The following SALL3 variants were observed in gnomAD, a reference collection of about 807,000 sequenced individuals.
The protein encoded by SALL3 is spalt like transcription factor 3.
A neutral mutation model predicts 66.2 loss-of-function variants in SALL3; 25 were observed. That is an observed-to-expected ratio of 0.38 (90% CI 0.28 to 0.53). The LOEUF is 0.53. Ranked by LOEUF, SALL3 falls within the 20% of genes least tolerant of loss-of-function variation. SALL3 has a pLI of 0.85. For synonymous variants in SALL3, 1,152 were observed against 899.1 expected (o/e 1.28, Z -5.03); for missense variants, 2,194 against 1,916.5 (o/e 1.14, Z -2.70).
chr18:78,996,850 T>A (rs768509058), intron 2 of SALL3, 41 bp from the exon 3 acceptor site: 2 of 1,555,010 alleles, frequency 1.3e-6, no homozygotes, highest in South Asian at 2.4e-5. Context: ...TGCCTCCGTG[T>A]CTAGGCACTT....
chr18:78,997,292 C>G lies in SALL3; in HGVS notation c.3873C>G (p.Ile1291Met), dbSNP rs774963628. The part of the protein sequence containing the change: ...TAASRPFTRF[I>M]EDNKEIGIN ...CCAGCCGCCCATTCACGCGGTTTAT[C>G]GAGGATAACAAGGAGATTGGTATCA... is the stretch of plus-strand genomic sequence containing the variant. The change falls in exon 3 of 3, where the codon ATC (isoleucine) becomes ATG (methionine). Residue 1291 changes from isoleucine to methionine, a missense_variant. Coordinates refer to ENST00000537592, the MANE Select transcript of SALL3 (RefSeq NM_171999.4). 18 of 1,613,896 alleles carry G rather than the reference C, an allele frequency of 1.1e-5. No homozygotes were observed. In the Admixed American group the frequency reaches 2.2e-4, roughly 19 times the overall value.
In SALL3 at chr18:78,980,373, C is replaced by A; in HGVS notation, c.82+17C>A. 1 of 1,388,868 alleles carries A rather than the reference C, an allele frequency of 7.2e-7. No homozygotes were observed. The highest frequency in any genetic ancestry group is 3.2e-5 in the East Asian group (1 of 31,108). The allele number at this position is 1,388,868 out of a possible 1,614,324, so 86.0% of individuals were successfully genotyped here. On this transcript the variant is annotated intron_variant, in intron 1 of 2. Coordinates refer to ENST00000537592, the MANE Select transcript of SALL3 (RefSeq NM_171999.4). ...CCGAGCACGGTGAGGGCCGGGGCTG[C>A]GGGGTGGCCGGGGGGTCTGGGGCTG... is the stretch of plus-strand genomic sequence containing the variant.
chr18:78,980,248 G>T lies in SALL3; in HGVS notation c.-27G>T, dbSNP rs1201580316. On this transcript the variant is annotated 5_prime_UTR_variant, in exon 1 of 3. Coordinates refer to ENST00000537592, the MANE Select transcript of SALL3 (RefSeq NM_171999.4). ...GCCGCCCCGCTGATGCCGCTGCCCCGCGCGGGGCCCGAGCGCCGCTAGCAG... is the reference window on the plus strand; with the variant it reads ...GCCGCCCCGCTGATGCCGCTGCCCCTCGCGGGGCCCGAGCGCCGCTAGCAG... 1.7e-6 allele frequency: 2 copies of T among 1,181,322 alleles called. No homozygotes were observed. Among genetic ancestry groups the T allele is most frequent in the Non-Finnish European group, 2.1e-6 (2 of 938,676 alleles). 73.2% of individuals were successfully genotyped at this position (1,181,322 alleles called of 1,614,324 possible).
chr18:78,992,325 G>A lies in SALL3; in HGVS notation c.334G>A (p.Ala112Thr), dbSNP rs1914468392. The part of the protein sequence containing the change: ...SPSERAESEA[A>T]EEAGAEGAEG... Reference sequence around the variant, plus strand: ...CAGCGAGCGCGCCGAAAGCGAGGCGGCCGAGGAGGCGGGTGCGGAGGGCGC... The same window carrying A: ...CAGCGAGCGCGCCGAAAGCGAGGCGACCGAGGAGGCGGGTGCGGAGGGCGC... The change falls in exon 2 of 3, where the codon GCC (alanine) becomes ACC (threonine). Residue 112 changes from alanine (A) to threonine (T), a missense_variant. Transcript: ENST00000537592. 3 of 1,454,758 alleles carry A rather than the reference G, an allele frequency of 2.1e-6. No homozygotes were observed. Among genetic ancestry groups the A allele is most frequent in the African/African-American group, 1.5e-5 (1 of 67,818 alleles). 90.1% of individuals were successfully genotyped at this position (1,454,758 alleles called of 1,614,324 possible). A position where few individuals can be genotyped will look rare whatever the true frequency, so the allele number is the denominator to read the frequency against.
At chr18:78,983,587 T>C (rs1914146307) in intron 1 of SALL3, among the ~76,000 whole-genome samples, 1 of 152,208 alleles carries the variant, frequency 6.6e-6, no homozygotes, top group South Asian at 2.1e-4. Flanking sequence ...GAGCATGTGA[T>C]TTAAGAATTT....
At chr18:78,986,030 T>C (rs1371743100) in intron 1 of SALL3, among the ~76,000 whole-genome samples, 1 of 152,242 alleles carries the variant, frequency 6.6e-6, no homozygotes, top group African/African-American at 2.4e-5. Flanking sequence ...GCGTTCCTTA[T>C]AAGTGTGATG....
Position 78,994,813 on chromosome 18 carries a change from C to T in SALL3, c.2822C>T (p.Pro941Leu), listed in dbSNP as rs1914624973. The T allele has an allele frequency of 5.0e-6, 8 of 1,595,604 alleles. No individual in the cohort carries two copies. Among genetic ancestry groups the T allele is most frequent in the Non-Finnish European group, 6.8e-6 (8 of 1,172,570 alleles). Residue 941 changes from proline (P) to leucine (L), a missense_variant, in exon 2 of 3, where the codon CCA becomes CTA. By Grantham distance (98) the Pro-to-Leu change is moderately conservative. Coordinates refer to ENST00000537592, the MANE Select transcript of SALL3 (RefSeq NM_171999.4). ...IPLKTERPDSPAAAPGSGGAP... is the reference protein window; with the variant it reads ...IPLKTERPDSLAAAPGSGGAP... ...CTCAAGACCGAGAGGCCGGACAGCC[C>T]AGCCGCCGCCCCGGGCAGCGGAGGC...
intron 1 of SALL3, among the ~76,000 whole-genome samples, chr18:78,981,957 A>G (rs1301223159): frequency 6.6e-6 from 1 of 152,224 alleles, no homozygotes; most frequent in African/African-American, 2.4e-5. Flanking sequence ...TGGCTCCTGA[A>G]TGGCTTAAAA....
intron 1 of SALL3, among the ~76,000 whole-genome samples, chr18:78,988,356 T>C (rs192066232): frequency 2.6e-3 from 400 of 152,336 alleles, no homozygotes; most frequent in Admixed American, 6.0e-3. Flanking sequence ...ATAAACACTG[T>C]AATATATGCA....
intron 1 of SALL3, among the ~76,000 whole-genome samples, chr18:78,985,273 G>A (rs903161405): frequency 5.3e-5 from 8 of 152,214 alleles, no homozygotes; most frequent in Admixed American, 3.3e-4. Context: ...AGCTTGCGCC[G>A]TGCTGCACGG....
intron 1 of SALL3, among the ~76,000 whole-genome samples, chr18:78,985,300 T>G (rs1056632538): frequency 6.6e-6 from 1 of 152,240 alleles, no homozygotes; most frequent in Non-Finnish European, 1.5e-5. Flanking sequence ...AGACGCCATC[T>G]AGTTCAGCAC....
At chr18:78,990,222 C>T (rs1019870546) in intron 1 of SALL3, among the ~76,000 whole-genome samples, 2 of 152,244 alleles carry the variant, frequency 1.3e-5, no homozygotes, top group African/African-American at 4.8e-5. Flanking sequence ...TAGTCAACCT[C>T]ATTACAGATA....
At chr18:78,986,317 C>T (rs947345667) in intron 1 of SALL3, among the ~76,000 whole-genome samples, 6 of 152,180 alleles carry the variant, frequency 3.9e-5, no homozygotes, top group East Asian at 1.9e-4. Flanking sequence ...CGTCGACGCG[C>T]GGGAGTGTGT....
In SALL3 at chr18:78,992,810, C is replaced by G; in HGVS notation, c.819C>G (p.Ala273=). Residue 273 remains alanine, a synonymous_variant, in exon 2 of 3, where the codon GCC becomes GCG. Coordinates refer to ENST00000537592, the MANE Select transcript of SALL3 (RefSeq NM_171999.4). ...CGCTGTCGGCCGGGGCCCCTGCCGC[C>G]GCCATCGCGGGCTCGGGCCCCGCCG... The part of the protein sequence containing the change: ...ALPLSAGAPA[A]AIAGSGPAAP... The G allele has an allele frequency of 2.0e-6, 2 of 980,520 alleles. No individual in the cohort carries two copies. Among genetic ancestry groups the G allele is most frequent in the Non-Finnish European group, 2.4e-6 (2 of 828,516 alleles). The allele number at this position is 980,520 out of a possible 1,614,324, so 60.7% of individuals were successfully genotyped here. A position where few individuals can be genotyped will look rare whatever the true frequency, so the allele number is the denominator to read the frequency against.
In SALL3 at chr18:78,993,695, A is replaced by T; in HGVS notation, c.1704A>T (p.Pro568=). The change falls in exon 2 of 3, where the codon CCA becomes CCT. Residue 568 remains proline, a synonymous_variant. Coordinates refer to ENST00000537592, the MANE Select transcript of SALL3 (RefSeq NM_171999.4). Reference sequence around the variant, plus strand: ...CCAGCGAGTGCGCCTCCTTGTCCCCAGGCCTCAACCACGTGGAGTCCGGCG... The same window carrying T: ...CCAGCGAGTGCGCCTCCTTGTCCCCTGGCCTCAACCACGTGGAGTCCGGCG... The part of the protein sequence containing the change: ...PASSECASLS[P]GLNHVESGVS... 6.3e-7 allele frequency: 1 copy of T among 1,576,216 alleles called. No homozygotes were observed. Among genetic ancestry groups the T allele is most frequent in the Non-Finnish European group, 8.6e-7 (1 of 1,168,462 alleles).
At chr18:78,996,854 G>C in intron 2 of SALL3, 37 bp from the exon 3 acceptor site, 3 of 1,561,544 alleles carry the variant, frequency 1.9e-6, no homozygotes, top group Non-Finnish European at 1.7e-6. Context: ...TCCGTGTCTA[G>C]GCACTTACTC....
intron 2 of SALL3, 47 bp downstream of exon 2, chr18:78,995,509 A>G: frequency 1.1e-5 from 17 of 1,497,820 alleles, no homozygotes; most frequent in Non-Finnish European, 1.5e-5. Flanking sequence ...CGGCCGAGCC[A>G]CGGTGGCTTT....
rs758753258 is a variant in SALL3, at chr18:78,993,258, C to G, written c.1267C>G (p.Arg423Gly). The change falls in exon 2 of 3, where the codon CGC (arginine) becomes GGC (glycine). Residue 423 changes from arginine (R) to glycine (G), a missense_variant. Coordinates refer to ENST00000537592, the MANE Select transcript of SALL3 (RefSeq NM_171999.4). Reference sequence around the variant, plus strand: ...GGACCCGTTCTTCAAGCACAAATGCCGCTTCTGCGCCAAGGTCTTCGGCAG... The same window carrying G: ...GGACCCGTTCTTCAAGCACAAATGCGGCTTCTGCGCCAAGGTCTTCGGCAG... ...AEDPFFKHKC[R>G]FCAKVFGSDS... The G allele has an allele frequency of 3.7e-6, 6 of 1,610,550 alleles. No homozygotes were observed. The highest frequency in any genetic ancestry group is 3.3e-5 in the South Asian group (3 of 90,952).
Position 78,980,110 on chromosome 18 carries a change from C to T in SALL3, c.-165C>T, listed in dbSNP as rs1351099130. Among the ~76,000 whole-genome samples the T allele has an allele frequency of 1.4e-5, 2 of 146,196 alleles. No homozygotes were observed. The highest frequency in any genetic ancestry group is 4.9e-5 in the African/African-American group (2 of 40,848). On this transcript the variant is annotated 5_prime_UTR_variant, in exon 1 of 3. Coordinates refer to ENST00000537592, the MANE Select transcript of SALL3 (RefSeq NM_171999.4). ...AATCGGCGCGGCCCTCCGCTAATGG[C>T]CATGCATTATTCACCAGCCTAATTG...
Sources: gnomAD v4.1 joint callset for allele counts (sites outside exome capture counted in the v4.1 genomes callset) on GRCh38, gnomAD v4.1.1 for gene constraint, MANE v1.5 for transcripts, NCBI Gene and HGNC (gene_info 2026-07-23, HGNC 2026-07-21) for gene names.